Variants in COL6A6 observed in about 807,000 individuals in gnomAD.
COL6A6 encodes collagen type VI alpha 6 chain, also known as collagen alpha-6(VI) chain.
Under a neutral mutation model 208.6 loss-of-function variants are expected in COL6A6, and 183 were observed. The observed-to-expected ratio is 0.88, with a 90% CI of 0.78 to 0.99. The LOEUF is 0.99. COL6A6 is among the 50% of genes least tolerant of loss of function. The pLI, the probability that COL6A6 is intolerant of heterozygous loss-of-function variation, is 0.00. For missense variants in COL6A6, 2,816 were observed against 2,815.2 expected (o/e 1.00, Z -0.01); for synonymous variants, 973 against 1,011.8 (o/e 0.96, Z 0.73).
At chr3:130,634,947 A>G (rs893929788) in intron 27 of COL6A6, among the ~76,000 whole-genome samples, 5 of 152,174 alleles carry the variant, frequency 3.3e-5, no homozygotes, top group African/African-American at 9.6e-5. Flanking sequence ...GAAAAGTATA[A>G]TGTAAGGCCA....
intron 1 of COL6A6, among the ~76,000 whole-genome samples, chr3:130,531,968 T>G (rs1559956164): frequency 6.6e-6 from 1 of 152,170 alleles, no homozygotes; most frequent in Non-Finnish European, 1.5e-5. Flanking sequence ...GGAAGAGGTT[T>G]TGGGAGGTGT....
chr3:130,607,252 G>C lies in COL6A6; in HGVS notation c.4689+286G>C, dbSNP rs139032861. Among the ~76,000 whole-genome samples, 24 of 152,264 alleles carry C rather than the reference G, an allele frequency of 1.6e-4. No homozygotes were observed. In the East Asian group the frequency reaches 4.4e-3, roughly 28 times the overall value. The stretch of plus-strand genomic sequence containing the variant: ...AAGTACAAACTTGAATAACTTAGTA[G>C]ATGACCCTTCTTTTACATTTTCATT... On this transcript the variant is annotated intron_variant, in intron 21 of 36. Coordinates refer to ENST00000358511, the MANE Select transcript of COL6A6 (RefSeq NM_001102608.3).
chr3:130,644,932 T>C lies in COL6A6; in HGVS notation c.5228-59T>C, dbSNP rs2065424696. On this transcript the variant is annotated intron_variant, in intron 31 of 36. Coordinates refer to ENST00000358511, the MANE Select transcript of COL6A6 (RefSeq NM_001102608.3). Reference sequence around the variant, plus strand: ...GATAGAACCTTTCTTTCCTGCACGATACAGAACTCTCTTCTCCTACCAAAT... The same window carrying C: ...GATAGAACCTTTCTTTCCTGCACGACACAGAACTCTCTTCTCCTACCAAAT... The C allele has an allele frequency of 6.5e-6, 10 of 1,530,994 alleles. No individual in the cohort carries two copies. In the South Asian group the frequency reaches 1.1e-4, roughly 17 times the overall value. The allele number at this position is 1,530,994 out of a possible 1,614,324, so 94.8% of individuals were successfully genotyped here.
At chr3:130,569,456 G>A (rs1366084662) in intron 6 of COL6A6, among the ~76,000 whole-genome samples, 2 of 152,182 alleles carry the variant, frequency 1.3e-5, no homozygotes, top group Non-Finnish European at 2.9e-5. Context: ...TGATTTATAT[G>A]TGACCCATAG....
At chr3:130,651,067 T>TA (rs1407879393) in intron 33 of COL6A6, among the ~76,000 whole-genome samples, 1 of 152,242 alleles carries the variant, frequency 6.6e-6, no homozygotes, top group Non-Finnish European at 1.5e-5. Flanking sequence ...ACCTGGTTCC[T>TA]AGAGTTAGTG....
At chr3:130,655,017 A>G (rs1165932385) in intron 33 of COL6A6, among the ~76,000 whole-genome samples, 2 of 152,174 alleles carry the variant, frequency 1.3e-5, no homozygotes, top group Non-Finnish European at 2.9e-5. Flanking sequence ...CAGAAATGCA[A>G]AACAACCTGA....
chr3:130,566,576 T>C (rs1190630132), intron 4 of COL6A6, 126 bp from the exon 5 acceptor site: 4 of 722,728 alleles, frequency 5.5e-6, no homozygotes, highest in Non-Finnish European at 8.9e-6. Context: ...GCATGTATTT[T>C]AAGCCTAGAA....
In COL6A6 at chr3:130,570,835, G is replaced by A. The variant is rs1448881206; in HGVS notation, c.2419G>A (p.Val807Ile). Residue 807 changes from valine (V) to isoleucine (I), a missense_variant, in exon 7 of 37, where the codon GTT becomes ATT. By Grantham distance (29) the Val-to-Ile change is conservative. Coordinates refer to ENST00000358511, the MANE Select transcript of COL6A6 (RefSeq NM_001102608.3). Reference protein sequence around the residue: ...SPREECKRIEVLDVVFVIDSS... With the variant: ...SPREECKRIEILDVVFVIDSS... ...TCTTTCAGAATGCAAGCGGATTGAA[G>A]TTTTAGACGTTGTGTTTGTCATTGA... The A allele has an allele frequency of 6.2e-7, 1 of 1,612,306 alleles. No individual in the cohort carries two copies. Among genetic ancestry groups the A allele is most frequent in the South Asian group, 1.1e-5 (1 of 90,834 alleles).
intron 1 of COL6A6, among the ~76,000 whole-genome samples, chr3:130,543,011 T>C (rs2062408705): frequency 6.6e-6 from 1 of 151,644 alleles, no homozygotes. Flanking sequence ...GTTCAAGGGA[T>C]TCTTCTGCCT....
intron 1 of COL6A6, among the ~76,000 whole-genome samples, chr3:130,538,237 A>G (rs1023199194): frequency 4.6e-5 from 7 of 152,162 alleles, no homozygotes; most frequent in African/African-American, 1.7e-4. Flanking sequence ...TTACAGGGGT[A>G]CTCTCAGGGT....
In COL6A6 at chr3:130,665,676, G is replaced by A. The variant is rs553767744; in HGVS notation, c.6596+580G>A. ...ATATAGAGGACTTCCAAAAATGGAG[G>A]AAGAGAGAAAATGTTCTCTATACAA... is the stretch of plus-strand genomic sequence containing the variant. On this transcript the variant is annotated intron_variant, in intron 36 of 36. Coordinates refer to ENST00000358511, the MANE Select transcript of COL6A6 (RefSeq NM_001102608.3). Among the ~76,000 whole-genome samples the A allele has an allele frequency of 2.0e-5, 3 of 152,312 alleles. No homozygotes were observed. In the East Asian group the frequency reaches 5.8e-4, roughly 29 times the overall value.
In COL6A6 at chr3:130,628,765, ACAGCTCCC is replaced by A. The variant is rs2064969094; in HGVS notation, c.4992+1397_4992+1404del. On this transcript the variant is annotated intron_variant, in intron 26 of 36. Transcript: ENST00000358511. Reference sequence around the variant, plus strand: ...GGCCGAATAGGAACAGCTCCGGTCTACAGCTCCCTGCGTGAGCGACGCAGAAGACGGTG... The same window carrying A: ...GGCCGAATAGGAACAGCTCCGGTCTATGCGTGAGCGACGCAGAAGACGGTG... Among the ~76,000 whole-genome samples, 8 of 65,418 alleles carry A rather than the reference ACAGCTCCC, an allele frequency of 1.2e-4. No individual in the cohort carries two copies. The South Asian group carries it at 2.7e-3, about 22-fold the overall frequency. 42.9% of individuals were successfully genotyped at this position (65,418 alleles called of 152,430 possible).
chr3:130,645,221 TA>T (rs2065432750), intron 32 of COL6A6, among the ~76,000 whole-genome samples: 1 of 141,214 alleles, frequency 7.1e-6, no homozygotes, highest in Non-Finnish European at 1.5e-5. Context: ...TTTGCTTTTT[TA>T]TTAATAAAAA....
At position 130,642,863 on chromosome 3, in the gene COL6A6, T is replaced by G; in HGVS notation, c.5186T>G (p.Phe1729Cys). 6.2e-7 allele frequency: 1 copy of G among 1,613,982 alleles called. No individual in the cohort carries two copies. Among genetic ancestry groups the G allele is most frequent in the Non-Finnish European group, 8.5e-7 (1 of 1,179,852 alleles). The change falls in exon 30 of 37, where the codon TTT becomes TGT. Residue 1729 changes from phenylalanine to cysteine, a missense_variant. By Grantham distance (205) the Phe-to-Cys change is radical. Coordinates refer to ENST00000358511, the MANE Select transcript of COL6A6 (RefSeq NM_001102608.3). ...GVKGAKGLAS[F>C]STCELIQYVR... Reference sequence around the variant, plus strand: ...AAAGGAGCCAAAGGCTTGGCTTCATTTTCTGTACGTATCTCCCGACTACAA... The same window carrying G: ...AAAGGAGCCAAAGGCTTGGCTTCATGTTCTGTACGTATCTCCCGACTACAA...
intron 8 of COL6A6, among the ~76,000 whole-genome samples, chr3:130,574,783 C>A (rs1019633710): frequency 2.0e-5 from 3 of 152,128 alleles, no homozygotes; most frequent in Admixed American, 2.0e-4. Context: ...TGCCTGCCTT[C>A]AGGTGTGAGG....
rs928033524 is a variant in COL6A6, at chr3:130,561,932, G to A, written c.65-1136G>A. Reference sequence around the variant, plus strand: ...CTCCCAAAGTGCTGGGATTACAGGCGTGAGCCACCGCGCCCGGCTGAATCT... The same window carrying A: ...CTCCCAAAGTGCTGGGATTACAGGCATGAGCCACCGCGCCCGGCTGAATCT... On this transcript the variant is annotated intron_variant, in intron 2 of 36. Transcript: ENST00000358511. 4.1e-4 allele frequency among the ~76,000 whole-genome samples: 63 copies of A among 152,242 alleles called. 1 individual carries two copies. Among genetic ancestry groups the A allele is most frequent in the African/African-American group, 1.4e-3 (57 of 41,520 alleles).
chr3:130,631,299 A>G lies in COL6A6; in HGVS notation c.4993-3291A>G, dbSNP rs1298488416. 1.8e-5 allele frequency among the ~76,000 whole-genome samples: 2 copies of G among 110,324 alleles called. 1 individual carries two copies. Among genetic ancestry groups the G allele is most frequent in the Non-Finnish European group, 3.2e-5 (2 of 62,080 alleles). The allele number at this position is 110,324 out of a possible 152,430, so 72.4% of individuals were successfully genotyped here. A position where few individuals can be genotyped will look rare whatever the true frequency, so the allele number is the denominator to read the frequency against. ...TATGCAAATAAACTAGAAAATCTGG[A>G]AGAAACGGATACATTCCTCGACACA... On this transcript the variant is annotated intron_variant, in intron 26 of 36. Transcript: ENST00000358511.
chr3:130,609,444 C>T (rs2064286723), intron 22 of COL6A6, among the ~76,000 whole-genome samples: 1 of 152,192 alleles, frequency 6.6e-6, no homozygotes, highest in African/African-American at 2.4e-5. Context: ...CTGACTTCTC[C>T]AGGGAGCTAC....
In COL6A6 at chr3:130,520,959, T is replaced by G. The variant is rs1711036180; in HGVS notation, c.-32+3562T>G. Reference sequence around the variant, plus strand: ...AATGATGAGAAAATTTTTCCCCAAATGCTCAACTGGTAGAGGGGAGGGAAG... The same window carrying G: ...AATGATGAGAAAATTTTTCCCCAAAGGCTCAACTGGTAGAGGGGAGGGAAG... On this transcript the variant is annotated intron_variant, in intron 1 of 36. Coordinates refer to ENST00000358511, the MANE Select transcript of COL6A6 (RefSeq NM_001102608.3). Among the ~76,000 whole-genome samples, 3 of 152,174 alleles carry G rather than the reference T, an allele frequency of 2.0e-5. No homozygotes were observed. The South Asian group carries it at 6.2e-4, about 32-fold the overall frequency.
Sources: allele counts gnomAD v4.1 joint callset (sites outside exome capture counted in the v4.1 genomes callset), GRCh38; gene constraint gnomAD v4.1.1; transcripts MANE v1.5; gene names NCBI Gene and HGNC (gene_info 2026-07-23, HGNC 2026-07-21).